SLC8A1: variants seen among roughly 807,000 people sequenced by gnomAD.
SLC8A1 encodes the protein solute carrier family 8 member A1, also known as sodium/calcium exchanger 1.
Under a neutral mutation model 68.3 loss-of-function variants are expected in SLC8A1, and 18 were observed. The ratio of observed to expected loss-of-function variants is 0.26; its 90% CI spans 0.18 to 0.39. The LOEUF is 0.39. Among genes scored for constraint, SLC8A1 ranks in the 10% least tolerant of loss-of-function variants. The pLI is 1.00. For missense variants in SLC8A1, 985 were observed against 1,156.7 expected, an observed-to-expected ratio of 0.85 and a Z score of 2.15; for synonymous variants, 475 against 415.5, an observed-to-expected ratio of 1.14 and a Z score of -1.74.
intron 5 of SLC8A1, among the ~76,000 whole-genome samples, chr2:40,161,872 G>A (rs905457155): frequency 6.6e-6 from 1 of 152,150 alleles, no homozygotes; most frequent in South Asian, 2.1e-4. Context: ...GTCATAGGTC[G>A]AAATCTGTAT....
intron 2 of SLC8A1, among the ~76,000 whole-genome samples, chr2:40,362,366 G>C (rs777552781): frequency 1.7e-4 from 26 of 152,034 alleles, no homozygotes; most frequent in Non-Finnish European, 2.9e-4. Context: ...AGATTTATTT[G>C]TACTTAAAAA....
intron 1 of SLC8A1, among the ~76,000 whole-genome samples, chr2:40,467,888 C>A (rs1220284569): frequency 6.6e-6 from 1 of 152,096 alleles, no homozygotes; most frequent in Non-Finnish European, 1.5e-5. Flanking sequence ...TTGTATCATG[C>A]ATGATCATAA....
At chr2:40,301,671 C>T (rs1407275761) in intron 2 of SLC8A1, among the ~76,000 whole-genome samples, 2 of 152,138 alleles carry the variant, frequency 1.3e-5, no homozygotes, top group African/African-American at 4.8e-5. Context: ...AATCCCAGCA[C>T]ATTGGGAGGC....
intron 2 of SLC8A1, among the ~76,000 whole-genome samples, chr2:40,367,232 A>T (rs981815449): frequency 1.3e-5 from 2 of 152,006 alleles, no homozygotes; most frequent in African/African-American, 4.8e-5. Context: ...TCTGCCTCCT[A>T]GTCTCTGCTT....
chr2:40,430,258 C>A, exon 2 of SLC8A1: 1 of 1,612,134 alleles, frequency 6.2e-7, no homozygotes, highest in Non-Finnish European at 8.5e-7. Context: ...GGGTGAAAGA[C>A]TTAATCGCCG....
chr2:40,139,356 T>G, intron 7 of SLC8A1, 45 bp downstream of exon 10: 1 of 1,602,910 alleles, frequency 6.2e-7, no homozygotes, highest in East Asian at 2.2e-5. Context: ...AGAAGGCAAA[T>G]GAACTTCTGC....
At chr2:40,107,965 T>A (rs2034317878) in exon 8 of SLC8A1, 2 of 152,202 alleles carry the variant, frequency 1.3e-5, no homozygotes, top group Non-Finnish European at 2.9e-5. Context: ...TTACTGTACA[T>A]TAGAAAGCCA....
chr2:40,109,145 G>A (rs1359524686), exon 8 of SLC8A1: 1 of 152,152 alleles, frequency 6.6e-6, no homozygotes, highest in Non-Finnish European at 1.5e-5. Flanking sequence ...GATTAACAGT[G>A]AAGTTAGCTA....
rs182824620 is a variant in SLC8A1 at position 40,381,484 on chromosome 2, T to C, written c.1808+46989A>G. ...CTTCAATTCATATCTCCAGAACAGG[T>C]TTCTTTCTCTTCACTTCGTCAAAAT... On this transcript the variant is annotated intron_variant, in intron 2 of 7. Coordinates refer to ENST00000406785, the Ensembl canonical transcript of SLC8A1. 9.9e-5 allele frequency among the ~76,000 whole-genome samples: 15 copies of C among 151,998 alleles called. No individual in the cohort carries two copies. In the East Asian group the frequency reaches 2.9e-3, roughly 30 times the overall value.
intron 2 of SLC8A1, among the ~76,000 whole-genome samples, chr2:40,275,431 T>C (rs2066577242): frequency 6.6e-6 from 1 of 152,226 alleles, no homozygotes; most frequent in South Asian, 2.1e-4. Flanking sequence ...TCAAACAAAC[T>C]GCTCTACCTA....
At chr2:40,349,696 G>A (rs956573336) in intron 2 of SLC8A1, among the ~76,000 whole-genome samples, 1 of 151,972 alleles carries the variant, frequency 6.6e-6, no homozygotes, top group African/African-American at 2.4e-5. Flanking sequence ...TCAAAGCTGT[G>A]GCCTACTTAA....
At chr2:40,153,322 G>A (rs2043808834) in intron 6 of SLC8A1, among the ~76,000 whole-genome samples, 1 of 152,160 alleles carries the variant, frequency 6.6e-6, no homozygotes, top group Admixed American at 6.5e-5. Context: ...TCACAGGGGA[G>A]GTTAGAGGTC....
chr2:40,189,468 A>C lies in SLC8A1; in HGVS notation c.1809-11613T>G, dbSNP rs185538661. Among the ~76,000 whole-genome samples, 346 of 152,140 alleles carry C rather than the reference A, an allele frequency of 2.3e-3. 1 individual carries two copies. The highest frequency in any genetic ancestry group is 7.8e-3 in the African/African-American group (322 of 41,516). On this transcript the variant is annotated intron_variant, in intron 2 of 7. Coordinates refer to ENST00000406785, the Ensembl canonical transcript of SLC8A1. The stretch of plus-strand genomic sequence containing the variant: ...CCTGAGTAGCTGGGACTACAGAAGC[A>C]TGCCACCGCGCCCGAATAATTTTTG...
At chr2:40,460,563 G>A (rs891667885) in intron 1 of SLC8A1, among the ~76,000 whole-genome samples, 6 of 148,802 alleles carry the variant, frequency 4.0e-5, no homozygotes, top group Non-Finnish European at 5.9e-5. Context: ...GGTAAAATCA[G>A]ACTGTAAGTA....
intron 2 of SLC8A1, among the ~76,000 whole-genome samples, chr2:40,375,714 A>G (rs1439089734): frequency 6.6e-6 from 1 of 152,108 alleles, no homozygotes; most frequent in Admixed American, 6.6e-5. Flanking sequence ...ATCAAGTTAT[A>G]TGCTTAGGCT....
intron 6 of SLC8A1, among the ~76,000 whole-genome samples, chr2:40,157,719 T>C (rs2044830185): frequency 6.6e-6 from 1 of 152,188 alleles, no homozygotes; most frequent in Non-Finnish European, 1.5e-5. Flanking sequence ...TAACAGCACC[T>C]CGTGGTACTG....
At chr2:40,379,733 T>C (rs914177884) in intron 2 of SLC8A1, among the ~76,000 whole-genome samples, 1 of 152,006 alleles carries the variant, frequency 6.6e-6, no homozygotes, top group African/African-American at 2.4e-5. Flanking sequence ...ACTGGTGCTC[T>C]AAGAGGCTTC....
intron 2 of SLC8A1, among the ~76,000 whole-genome samples, chr2:40,314,777 G>A (rs569681037): frequency 6.6e-6 from 1 of 151,880 alleles, no homozygotes; most frequent in Non-Finnish European, 1.5e-5. Context: ...AAATGGTACT[G>A]TTTTTCTAAT....
intron 1 of SLC8A1, among the ~76,000 whole-genome samples, chr2:40,440,395 T>C (rs200069518): frequency 5.3e-5 from 8 of 152,262 alleles, no homozygotes; most frequent in Admixed American, 1.3e-4. Context: ...TAATTAGCAA[T>C]TGAAGATAAT....
Sources: allele counts gnomAD v4.1 joint callset (sites outside exome capture counted in the v4.1 genomes callset), GRCh38; gene constraint gnomAD v4.1.1; transcripts MANE v1.5; gene names NCBI Gene and HGNC (gene_info 2026-07-23, HGNC 2026-07-21).